SBF2: variants seen among roughly 807,000 people sequenced by gnomAD.
SBF2 encodes the protein SET binding factor 2, also known as myotubularin-related protein 13.
Under a neutral mutation model 225.2 loss-of-function variants are expected in SBF2, and 112 were observed. That is an observed-to-expected ratio of 0.50 (90% CI 0.43 to 0.58). The LOEUF (loss-of-function observed/expected upper bound fraction) is 0.58, where lower values mean the gene tolerates loss of function less well. SBF2 is among the 20% of genes least tolerant of loss of function. SBF2 has a pLI of 0.00. For missense variants in SBF2, 1,996 were observed against 2,206.2 expected (o/e 0.90, Z 1.91); for synonymous variants, 763 against 773.3 (o/e 0.99, Z 0.22).
At chr11:9,809,060 G>C in intron 30 of SBF2, 58 bp from the exon 31 acceptor site, 1 of 1,311,608 alleles carries the variant, frequency 7.6e-7, no homozygotes, top group Non-Finnish European at 1.1e-6. Context: ...GCAGAAGTCA[G>C]AGAGAGTTGC....
At chr11:9,794,720 G>T (rs913117876) in intron 33 of SBF2, among the ~76,000 whole-genome samples, 1 of 134,072 alleles carries the variant, frequency 7.5e-6, no homozygotes, top group Admixed American at 8.1e-5. Flanking sequence ...CCAGGCCTGG[G>T]GCAGTTGTAA....
chr11:10,187,329 C>A (rs372892014), intron 2 of SBF2, among the ~76,000 whole-genome samples: 4 of 151,546 alleles, frequency 2.6e-5, no homozygotes, highest in African/African-American at 9.7e-5. Flanking sequence ...TCTCTCCCTG[C>A]GTCCCCTCTC....
At chr11:9,831,332 T>G (rs1005952609) in intron 27 of SBF2, among the ~76,000 whole-genome samples, 1 of 152,210 alleles carries the variant, frequency 6.6e-6, no homozygotes, top group Non-Finnish European at 1.5e-5. Flanking sequence ...ACCAGGTGGC[T>G]TGGGAGCACA....
At chr11:10,089,578 A>C (rs1274550745) in intron 2 of SBF2, among the ~76,000 whole-genome samples, 1 of 152,224 alleles carries the variant, frequency 6.6e-6, no homozygotes, top group Non-Finnish European at 1.5e-5. Context: ...AGAGTACTTT[A>C]TTTAGTACCT....
chr11:9,926,702 A>G (rs1308624345), intron 16 of SBF2, among the ~76,000 whole-genome samples: 3 of 152,204 alleles, frequency 2.0e-5, no homozygotes, highest in Non-Finnish European at 4.4e-5. Flanking sequence ...AAAAATGAAT[A>G]AAAATGAAGA....
chr11:9,842,854 T>C, intron 24 of SBF2, 84 bp from the exon 25 acceptor site: 1 of 1,380,216 alleles, frequency 7.2e-7, no homozygotes, highest in Non-Finnish European at 1.0e-6. Context: ...CTCAAATTGT[T>C]TCTTCTCCTT....
intron 37 of SBF2, 104 bp from the exon 38 acceptor site, chr11:9,784,542 G>C (rs1283912361): frequency 3.3e-6 from 3 of 908,014 alleles, no homozygotes; most frequent in Non-Finnish European, 1.8e-6. Flanking sequence ...ATTTCCCCTA[G>C]ATGATTCAAA....
At chr11:10,235,128 C>A (rs535098566) in intron 1 of SBF2, among the ~76,000 whole-genome samples, 1 of 152,316 alleles carries the variant, frequency 6.6e-6, no homozygotes, top group African/African-American at 2.4e-5. Flanking sequence ...GTTCATAGCT[C>A]ATTGCCAACA....
chr11:9,994,775 G>A (rs1947616556), intron 9 of SBF2, among the ~76,000 whole-genome samples: 1 of 151,930 alleles, frequency 6.6e-6, no homozygotes, highest in African/African-American at 2.4e-5. Flanking sequence ...AGTGGCTCAC[G>A]CCTGTAATCC....
intron 1 of SBF2, among the ~76,000 whole-genome samples, chr11:10,253,060 T>A (rs913872086): frequency 2.3e-4 from 29 of 126,782 alleles, no homozygotes; most frequent in African/African-American, 7.1e-4. Flanking sequence ...GCTTAAGTTT[T>A]AACATGGGAA....
rs901585561 is a variant in SBF2, at chr11:9,817,847, G to A, written c.3794-823C>T. Reference sequence around the variant, plus strand: ...GGAGGTGGAGGTTGCAGTGAGCCAAGATAGCGCCACTGCGCTACATACTGG... The same window carrying A: ...GGAGGTGGAGGTTGCAGTGAGCCAAAATAGCGCCACTGCGCTACATACTGG... On this transcript the variant is annotated intron_variant, in intron 28 of 39. Coordinates refer to ENST00000256190, the MANE Select transcript of SBF2 (RefSeq NM_030962.4). Among the ~76,000 whole-genome samples the A allele has an allele frequency of 7.9e-5, 12 of 151,906 alleles. No individual in the cohort carries two copies. In the South Asian group the frequency reaches 1.9e-3, roughly 24 times the overall value.
chr11:9,814,847 A>C (rs1854371143), intron 29 of SBF2, among the ~76,000 whole-genome samples: 1 of 152,246 alleles, frequency 6.6e-6, no homozygotes, highest in Non-Finnish European at 1.5e-5. Flanking sequence ...ATTAGGTTGT[A>C]AGGAATTTGT....
chr11:10,002,631 G>C lies in SBF2; in HGVS notation c.678C>G (p.Phe226Leu), dbSNP rs1463153576. The C allele has an allele frequency of 6.2e-7, 1 of 1,612,680 alleles. No homozygotes were observed. The highest frequency in any genetic ancestry group is 1.7e-5 in the Admixed American group (1 of 60,018). ...CAVLTENKVLFHSASFQRLSD... is the reference protein window; with the variant it reads ...CAVLTENKVLLHSASFQRLSD... Reference sequence around the variant, plus strand: ...TAAGTCTCTGGAAACTTGCAGAATGGAAGAGAACCTTATTTTCTGTGAGGA... The same window carrying C: ...TAAGTCTCTGGAAACTTGCAGAATGCAAGAGAACCTTATTTTCTGTGAGGA... The change falls in exon 7 of 40, where the codon TTC (phenylalanine) becomes TTG (leucine). Residue 226 changes from phenylalanine to leucine, a missense_variant. Transcript: ENST00000256190.
intron 13 of SBF2, among the ~76,000 whole-genome samples, chr11:9,969,452 A>G (rs1867182768): frequency 6.6e-6 from 1 of 152,220 alleles, no homozygotes; most frequent in African/African-American, 2.4e-5. Context: ...AAAGTTCTTA[A>G]AACAACTTAC....
chr11:9,789,393 A>G (rs1564854765), intron 34 of SBF2, 51 bp from the exon 35 acceptor site: 2 of 1,405,184 alleles, frequency 1.4e-6, no homozygotes, highest in Non-Finnish European at 2.0e-6. Flanking sequence ...AAGTACCCCA[A>G]GCTCACTGTC....
intron 8 of SBF2, among the ~76,000 whole-genome samples, chr11:9,999,215 T>G (rs920962752): frequency 6.6e-6 from 1 of 152,200 alleles, no homozygotes; most frequent in African/African-American, 2.4e-5. Context: ...ACACTTGGTT[T>G]GTCCTACCTC....
chr11:10,265,878 C>T (rs555088803), intron 1 of SBF2, among the ~76,000 whole-genome samples: 53 of 151,680 alleles, frequency 3.5e-4, no homozygotes, highest in African/African-American at 9.7e-4. Flanking sequence ...TGTGTGTGCG[C>T]GCGCGCATGT....
At chr11:10,093,025 T>C (rs1300996713) in intron 2 of SBF2, among the ~76,000 whole-genome samples, 1 of 151,740 alleles carries the variant, frequency 6.6e-6, no homozygotes, top group Non-Finnish European at 1.5e-5. Context: ...TTCTTTCTTT[T>C]TTTTTTTGTT....
At chr11:9,935,617 C>A (rs538576247) in intron 16 of SBF2, among the ~76,000 whole-genome samples, 1 of 152,156 alleles carries the variant, frequency 6.6e-6, no homozygotes, top group African/African-American at 2.4e-5. Flanking sequence ...ATATATAGAC[C>A]AATGGAACAG....
Sources: gnomAD v4.1 joint callset for allele counts (sites outside exome capture counted in the v4.1 genomes callset) on GRCh38, gnomAD v4.1.1 for gene constraint, MANE v1.5 for transcripts, NCBI Gene and HGNC (gene_info 2026-07-23, HGNC 2026-07-21) for gene names.